Variants in GALC observed in about 807,000 individuals in gnomAD.
GALC encodes the protein galactocerebrosidase.
Under a neutral mutation model 91.8 loss-of-function variants are expected in GALC, and 77 were observed. The observed-to-expected ratio is 0.84, with a 90% CI of 0.70 to 1.01. The LOEUF (loss-of-function observed/expected upper bound fraction) is 1.01, where lower values mean the gene tolerates loss of function less well. Ranked by LOEUF, GALC falls within the 50% of genes least tolerant of loss-of-function variation. The pLI is 0.00. For missense variants in GALC, 882 were observed against 855.9 expected (o/e 1.03, Z -0.38); for synonymous variants, 357 against 306.7 (o/e 1.16, Z -1.71).
At position 87,993,020 on chromosome 14, in the gene GALC, C is replaced by A; in HGVS notation, c.145G>T (p.Asp49Tyr). The A allele has an allele frequency of 1.3e-6, 2 of 1,546,904 alleles. No homozygotes were observed. The highest frequency in any genetic ancestry group is 1.7e-6 in the Non-Finnish European group (2 of 1,152,140). ...CCGTCGAACTCCCGGCCCAGCCCGT[C>A]GGAGTCGTCGAGCACGTACGCGCCG... ...PGGAYVLDDS[D>Y]GLGREFDGIG... The change falls in exon 1 of 17, where the codon GAC (aspartate) becomes TAC (tyrosine). Residue 49 changes from aspartate to tyrosine, a missense_variant. By Grantham distance (160) the Asp-to-Tyr change is radical (BLOSUM62 -3). Coordinates refer to ENST00000261304, the MANE Select transcript of GALC (RefSeq NM_000153.4).
Position 87,955,263 on chromosome 14 carries a change from G to A in GALC, c.1162-4515C>T, listed in dbSNP as rs1455764901. ...GAAGTACTGAAATGATTTGTCTTTT[G>A]AAGTAAATAAACGATAGGGTTTTTG... On this transcript the variant is annotated intron_variant, in intron 10 of 16. Coordinates refer to ENST00000261304, the MANE Select transcript of GALC (RefSeq NM_000153.4). 14 of 814,134 alleles carry A rather than the reference G, an allele frequency of 1.7e-5. No individual in the cohort carries two copies. In the African/African-American group the frequency reaches 2.4e-4, roughly 14 times the overall value. 50.4% of individuals were successfully genotyped at this position (814,134 alleles called of 1,614,324 possible).
rs377682096 is a variant in GALC, at chr14:87,988,141, T to C, written c.328+3A>G. ...AGAAATCCTATCTCCCAAATTCTCC[T>C]ACCTGTTGTCTGCCCATCACCACCT... On this transcript the variant is annotated splice_donor_region_variant and intron_variant, in intron 3 of 16. Coordinates refer to ENST00000261304, the MANE Select transcript of GALC (RefSeq NM_000153.4). 1 of 1,612,492 alleles carries C rather than the reference T, an allele frequency of 6.2e-7. No homozygotes were observed. The highest frequency in any genetic ancestry group is 1.1e-5 in the South Asian group (1 of 91,062).
chr14:87,954,414 G>C lies in GALC; in HGVS notation c.1162-3666C>G. 1.9e-6 allele frequency: 3 copies of C among 1,595,114 alleles called. No individual in the cohort carries two copies. The South Asian group carries it at 3.3e-5, about 18-fold the overall frequency. On this transcript the variant is annotated intron_variant, in intron 10 of 16. Transcript: ENST00000261304. ...TATGTGCTTGTATTATGGAGTCCTG[G>C]AGCAGCCTGGTACCCTCAACTGCAA...
At chr14:87,985,391 G>A (rs932321580) in intron 4 of GALC, among the ~76,000 whole-genome samples, 2 of 152,142 alleles carry the variant, frequency 1.3e-5, no homozygotes, top group African/African-American at 4.8e-5. Flanking sequence ...TAGAATTCTT[G>A]AAAACAATGA....
At chr14:87,984,744 T>C (rs1324263021) in intron 4 of GALC, among the ~76,000 whole-genome samples, 1 of 152,122 alleles carries the variant, frequency 6.6e-6, no homozygotes, top group Non-Finnish European at 1.5e-5. Flanking sequence ...TAGAGTCAGG[T>C]CCCATAATTT....
rs1010614512 is a variant in GALC at position 87,963,209 on chromosome 14, T to C, written c.1161+175A>G. 9 of 608,244 alleles carry C rather than the reference T, an allele frequency of 1.5e-5. No individual in the cohort carries two copies. In the African/African-American group the frequency reaches 1.7e-4, roughly 11 times the overall value. The allele number at this position is 608,244 out of a possible 1,614,324, so 37.7% of individuals were successfully genotyped here. On this transcript the variant is annotated intron_variant, in intron 10 of 16. Transcript: ENST00000261304. Reference sequence around the variant, plus strand: ...CAACTATTTTGTACAAATCAGTGAGTTGTGTGCTATGTTTTACGACTCATG... The same window carrying C: ...CAACTATTTTGTACAAATCAGTGAGCTGTGTGCTATGTTTTACGACTCATG...
At chr14:87,993,353 G>C (rs760085694), upstream of GALC, 1 of 1,535,334 alleles carries the variant, frequency 6.5e-7, no homozygotes, top group Admixed American at 2.0e-5. Context: ...GCGTGTCTGT[G>C]GTCAGCTACT....
intron 5 of GALC, among the ~76,000 whole-genome samples, chr14:87,983,752 T>C (rs1418257590): frequency 2.0e-5 from 3 of 152,222 alleles, no homozygotes; most frequent in East Asian, 3.8e-4. Flanking sequence ...GGACATGATA[T>C]CATTTTTCAT....
intron 10 of GALC, 42 bp downstream of exon 10, chr14:87,963,342 G>A: frequency 6.3e-7 from 1 of 1,590,756 alleles, no homozygotes. Context: ...TTTTCCAATA[G>A]TAAAGAAGTG....
chr14:87,976,586 C>T, intron 6 of GALC, 98 bp from the exon 7 acceptor site: 9 of 992,656 alleles, frequency 9.1e-6, no homozygotes, highest in South Asian at 2.7e-5. Flanking sequence ...TACAAATCAG[C>T]GTTCTGGATA....
At position 87,993,083 on chromosome 14, in the gene GALC, C is replaced by G; in HGVS notation, c.82G>C (p.Ala28Pro). ...AGCGCACACAGCAGCAAGGGCACCG[C>G]GGCGCGGCCCGCCGAACCCGCGGCC... ...TAAAGSAGRA[A>P]VPLLLCALLA... Residue 28 changes from alanine (A) to proline (P), a missense_variant, in exon 1 of 17, where the codon GCG (alanine) becomes CCG (proline). Physicochemically the swap from Ala to Pro is conservative, Grantham distance 27 (BLOSUM62 -1). Coordinates refer to ENST00000261304, the MANE Select transcript of GALC (RefSeq NM_000153.4). The G allele has an allele frequency of 1.9e-6, 3 of 1,579,062 alleles. No individual in the cohort carries two copies. The highest frequency in any genetic ancestry group is 8.6e-7 in the Non-Finnish European group (1 of 1,163,514).
At position 87,957,980 on chromosome 14, in the gene GALC, A is replaced by G. The variant is rs117674806; in HGVS notation, c.1161+5404T>C. Among the ~76,000 whole-genome samples, 888 of 152,228 alleles carry G rather than the reference A, an allele frequency of 5.8e-3. 49 individuals carry two copies. In the East Asian group the frequency reaches 0.12, roughly 21 times the overall value. On this transcript the variant is annotated intron_variant, in intron 10 of 16. Coordinates refer to ENST00000261304, the MANE Select transcript of GALC (RefSeq NM_000153.4). ...GTGTAATTCCTATCAAAATACCAAC[A>G]TCATCTTTCACAGAATTAGAAAAAA...
chr14:87,943,433 C>T (rs147733925), intron 14 of GALC, among the ~76,000 whole-genome samples: 1 of 152,084 alleles, frequency 6.6e-6, no homozygotes, highest in East Asian at 1.9e-4. Context: ...GTAGTGTGCA[C>T]TCATTGAGAG....
intron 16 of GALC, among the ~76,000 whole-genome samples, chr14:87,936,635 C>G (rs1267024130): frequency 6.6e-6 from 1 of 151,658 alleles, no homozygotes; most frequent in Non-Finnish European, 1.5e-5. Flanking sequence ...ATCCCTAGGA[C>G]TTAGTAAAGT....
intron 10 of GALC, among the ~76,000 whole-genome samples, chr14:87,956,220 C>G (rs1189621169): frequency 1.3e-5 from 2 of 151,876 alleles, no homozygotes; most frequent in Non-Finnish European, 2.9e-5. Flanking sequence ...GTGGATATGC[C>G]CAAAACCACA....
chr14:87,941,575 T>A lies in GALC; in HGVS notation c.1671-17A>T. 2 of 1,475,268 alleles carry A rather than the reference T, an allele frequency of 1.4e-6. No individual in the cohort carries two copies. The highest frequency in any genetic ancestry group is 1.9e-6 in the Non-Finnish European group (2 of 1,053,582). The allele number at this position is 1,475,268 out of a possible 1,614,324, so 91.4% of individuals were successfully genotyped here. A position where few individuals can be genotyped will look rare whatever the true frequency, so the allele number is the denominator to read the frequency against. ...AGATTGGTCCTGCAAAATAAAACGGTTGATTAGTACTCTTTAAAATATGCC... is the reference window on the plus strand; with the variant it reads ...AGATTGGTCCTGCAAAATAAAACGGATGATTAGTACTCTTTAAAATATGCC... On this transcript the variant is annotated splice_polypyrimidine_tract_variant and intron_variant, in intron 14 of 16. Transcript: ENST00000261304.
chr14:87,965,709 C>CT, intron 8 of GALC, 80 bp from the exon 9 acceptor site: 1 of 1,404,764 alleles, frequency 7.1e-7, no homozygotes, highest in Non-Finnish European at 1.0e-6. Flanking sequence ...AGTAAAAAGA[C>CT]TTTATCATAG....
Position 87,992,086 on chromosome 14 carries a change from GA to G in GALC, c.195+883del, listed in dbSNP as rs111733900. Among the ~76,000 whole-genome samples the G allele has an allele frequency of 3.3e-5, 5 of 152,134 alleles. No homozygotes were observed. In the East Asian group the frequency reaches 9.7e-4, roughly 29 times the overall value. On this transcript the variant is annotated intron_variant, in intron 1 of 16. Coordinates refer to ENST00000261304, the MANE Select transcript of GALC (RefSeq NM_000153.4). The stretch of plus-strand genomic sequence containing the variant: ...AAAAAGGATCAGCTAACTCCAGGGG[GA>G]AAAAAATTTCCCCTAGCAGAAGGTT...
At position 87,976,352 on chromosome 14, in the gene GALC, C is replaced by G; in HGVS notation, c.752+6G>C. 6.2e-7 allele frequency: 1 copy of G among 1,613,800 alleles called. No homozygotes were observed. Among genetic ancestry groups the G allele is most frequent in the South Asian group, 1.1e-5 (1 of 91,086 alleles). ...CTGCTAGTTTTCCAAGTAAAACATG[C>G]CTTACCCTATAACATCAACCACCTT... On this transcript the variant is annotated splice_donor_region_variant and intron_variant, in intron 7 of 16. Transcript: ENST00000261304.
Sources: allele counts gnomAD v4.1 joint callset (sites outside exome capture counted in the v4.1 genomes callset), GRCh38; gene constraint gnomAD v4.1.1; transcripts MANE v1.5; gene names NCBI Gene and HGNC (gene_info 2026-07-23, HGNC 2026-07-21).